The following RAB30 variants were observed in gnomAD, a reference collection of about 807,000 sequenced individuals.
RAB30 encodes RAB30, member RAS oncogene family.
RAB30 carries 9 observed loss-of-function variants against 25.1 expected under a neutral mutation model. The ratio of observed to expected loss-of-function variants is 0.36; its 90% CI spans 0.22 to 0.63. RAB30 has a LOEUF of 0.63. Ranked by LOEUF, RAB30 falls within the 20% of genes least tolerant of loss-of-function variation. RAB30 has a pLI of 0.69. For missense variants in RAB30, 140 were observed against 243.5 expected (o/e 0.58, Z 2.83); for synonymous variants, 77 against 86.4 (o/e 0.89, Z 0.60).
At chr11:83,022,654 T>G (rs1404610374) in intron 1 of RAB30, among the ~76,000 whole-genome samples, 1 of 152,032 alleles carries the variant, frequency 6.6e-6, no homozygotes, top group Non-Finnish European at 1.5e-5. Flanking sequence ...AAGACAACTT[T>G]TAAATAAAAA....
chr11:82,987,798 T>A, intron 3 of RAB30, 28 bp from the exon 4 acceptor site: 1 of 1,482,528 alleles, frequency 6.7e-7, no homozygotes, highest in Non-Finnish European at 9.1e-7. Context: ...AAGAATCAGG[T>A]GAAGAAGGAT....
intron 2 of RAB30, among the ~76,000 whole-genome samples, chr11:82,994,602 T>A (rs1214444579): frequency 6.6e-6 from 1 of 152,162 alleles, no homozygotes; most frequent in Non-Finnish European, 1.5e-5. Flanking sequence ...GCCACGGGAA[T>A]GGGCAACAAT....
chr11:83,016,035 G>A (rs1359528278), intron 1 of RAB30, among the ~76,000 whole-genome samples: 1 of 152,206 alleles, frequency 6.6e-6, no homozygotes, highest in African/African-American at 2.4e-5. Context: ...CTACTGAGGA[G>A]GCTGAGGCAG....
chr11:82,997,516 C>T lies in RAB30; in HGVS notation c.-8-192G>A, dbSNP rs76716119. On this transcript the variant is annotated intron_variant, in intron 1 of 4. Transcript: ENST00000527633. ...GTCACAGACGGACTTTATTCCTTCT[C>T]AGCTACCTCATGCCACAGAGAATAA... is the stretch of plus-strand genomic sequence containing the variant. 2,494 of 549,814 alleles carry T rather than the reference C, an allele frequency of 4.5e-3. 7 individuals are homozygous for T. Among genetic ancestry groups the T allele is most frequent in the Non-Finnish European group, 6.5e-3 (2,001 of 306,460 alleles). 34.1% of individuals were successfully genotyped at this position (549,814 alleles called of 1,614,324 possible).
intron 3 of RAB30, among the ~76,000 whole-genome samples, chr11:82,993,350 A>C (rs1856895693): frequency 6.6e-6 from 1 of 152,218 alleles, no homozygotes; most frequent in African/African-American, 2.4e-5. Flanking sequence ...ACCTCTCTGA[A>C]GCCAGTAAAA....
chr11:83,039,845 G>A (rs1858067822), intron 1 of RAB30, among the ~76,000 whole-genome samples: 1 of 152,190 alleles, frequency 6.6e-6, no homozygotes, highest in Non-Finnish European at 1.5e-5. Context: ...TAATAAGTAG[G>A]AGTTTGTCAA....
intron 1 of RAB30, among the ~76,000 whole-genome samples, chr11:83,010,850 T>C (rs909280727): frequency 2.0e-5 from 3 of 152,110 alleles, no homozygotes; most frequent in African/African-American, 7.2e-5. Flanking sequence ...AATCAAAATG[T>C]CCAAAGGAAA....
chr11:83,064,973 C>T (rs1014471637), intron 1 of RAB30, among the ~76,000 whole-genome samples: 1 of 151,970 alleles, frequency 6.6e-6, no homozygotes, highest in Non-Finnish European at 1.5e-5. Flanking sequence ...TATAGATTGT[C>T]GTCCCTCATA....
intron 1 of RAB30, among the ~76,000 whole-genome samples, chr11:83,067,650 C>A (rs1858733423): frequency 6.6e-6 from 1 of 152,214 alleles, no homozygotes; most frequent in Non-Finnish European, 1.5e-5. Context: ...CCTTTTCTCC[C>A]TATCCCCCCA....
At chr11:83,058,864 T>A (rs919827648) in intron 1 of RAB30, among the ~76,000 whole-genome samples, 4 of 152,170 alleles carry the variant, frequency 2.6e-5, no homozygotes, top group Non-Finnish European at 5.9e-5. Flanking sequence ...AAATTCAAAC[T>A]CCAGTTTGTA....
chr11:82,993,554 G>A (rs1221336191), intron 3 of RAB30, among the ~76,000 whole-genome samples: 1 of 152,214 alleles, frequency 6.6e-6, no homozygotes, highest in African/African-American at 2.4e-5. Flanking sequence ...TGGAGGGGCA[G>A]GAAGCAGGGG....
rs1241648876 is a variant in RAB30 at position 82,974,279 on chromosome 11, A to G, written c.*7886T>C. On this transcript the variant is annotated 3_prime_UTR_variant, in exon 5 of 5. Coordinates refer to ENST00000527633, the MANE Select transcript of RAB30 (RefSeq NM_001286060.2). ...ATATCTTAATTTTAAAAAGAGATGC[A>G]ACTTCATTTAAGAATATTTTGTTCA... The G allele has an allele frequency of 6.6e-6, 1 of 152,178 alleles. No individual in the cohort carries two copies. The highest frequency in any genetic ancestry group is 1.5e-5 in the Non-Finnish European group (1 of 68,014). 9.4% of individuals were successfully genotyped at this position (152,178 alleles called of 1,614,324 possible). A position where few individuals can be genotyped will look rare whatever the true frequency, so the allele number is the denominator to read the frequency against.
chr11:83,001,207 T>C (rs1857076501), intron 1 of RAB30, among the ~76,000 whole-genome samples: 1 of 152,166 alleles, frequency 6.6e-6, no homozygotes, highest in Non-Finnish European at 1.5e-5. Flanking sequence ...TGTTTTGCTT[T>C]CTTTTGTTTT....
At chr11:83,044,671 T>C (rs1858198811) in intron 1 of RAB30, among the ~76,000 whole-genome samples, 1 of 152,218 alleles carries the variant, frequency 6.6e-6, no homozygotes. Flanking sequence ...CTACATTTAA[T>C]GAGTTGGTTG....
At chr11:83,034,370 A>C (rs537315067) in intron 1 of RAB30, 9 of 152,422 alleles carry the variant, frequency 5.9e-5, no homozygotes, top group African/African-American at 1.7e-4. Context: ...CTCCCCCTGC[A>C]GCTAAGAATC....
chr11:82,986,672 G>C (rs1309747258), intron 4 of RAB30, among the ~76,000 whole-genome samples: 2 of 152,352 alleles, frequency 1.3e-5, no homozygotes, highest in East Asian at 3.9e-4. Flanking sequence ...AGGGCTTGGA[G>C]TTGATCTTAC....
At chr11:82,990,347 A>C (rs1856826674) in intron 3 of RAB30, among the ~76,000 whole-genome samples, 2 of 152,246 alleles carry the variant, frequency 1.3e-5, no homozygotes, top group African/African-American at 4.8e-5. Context: ...CATTTGAATG[A>C]TGGCTAACTA....
intron 1 of RAB30, among the ~76,000 whole-genome samples, chr11:83,035,876 C>G (rs905113788): frequency 2.6e-5 from 4 of 152,058 alleles, no homozygotes; most frequent in Admixed American, 6.6e-5. Flanking sequence ...TTATGGATCA[C>G]ACACACACAG....
chr11:83,065,726 GATAA>G (rs758651623), intron 1 of RAB30, among the ~76,000 whole-genome samples: 1 of 152,076 alleles, frequency 6.6e-6, no homozygotes, highest in Non-Finnish European at 1.5e-5. Context: ...TGTTTAAAAG[GATAA>G]ATAATGTTAA....
Sources: gnomAD v4.1 joint callset for allele counts (sites outside exome capture counted in the v4.1 genomes callset) on GRCh38, gnomAD v4.1.1 for gene constraint, MANE v1.5 for transcripts, NCBI Gene and HGNC (gene_info 2026-07-23, HGNC 2026-07-21) for gene names.